Variants in ST18 observed in about 807,000 individuals in gnomAD.
ST18 encodes suppression of tumorigenicity 18 protein.
In ST18, 50 loss-of-function variants were observed where a neutral mutation model predicts 110.0. That is an observed-to-expected ratio of 0.45 (90% CI 0.36 to 0.58). The LOEUF (loss-of-function observed/expected upper bound fraction) is 0.58, where lower values mean the gene tolerates loss of function less well. Among genes scored for constraint, ST18 ranks in the 20% least tolerant of loss-of-function variants. The pLI is 0.00. For missense variants in ST18, 1,306 were observed against 1,280.1 expected (o/e 1.02, Z -0.31); for synonymous variants, 461 against 452.4 (o/e 1.02, Z -0.24).
chr8:52,389,886 A>G (rs1167734925), intron 2 of ST18, among the ~76,000 whole-genome samples: 1 of 152,240 alleles, frequency 6.6e-6, no homozygotes, highest in African/African-American at 2.4e-5. Context: ...AGGAAAATAC[A>G]GATACAGCTG....
chr8:52,210,473 C>T (rs921705692), intron 8 of ST18, among the ~76,000 whole-genome samples: 4 of 151,848 alleles, frequency 2.6e-5, no homozygotes, highest in African/African-American at 9.7e-5. Context: ...GCCTAGGCAA[C>T]ATAGCAAGAC....
chr8:52,344,625 C>G (rs1034046511), intron 2 of ST18, among the ~76,000 whole-genome samples: 2 of 151,936 alleles, frequency 1.3e-5, no homozygotes, highest in African/African-American at 4.8e-5. Flanking sequence ...GGTCACGAAC[C>G]CCTGACCTCA....
intron 2 of ST18, among the ~76,000 whole-genome samples, chr8:52,408,804 C>T (rs1845429515): frequency 1.3e-5 from 2 of 152,194 alleles, no homozygotes; most frequent in Non-Finnish European, 2.9e-5. Flanking sequence ...AGTAAACAGA[C>T]ATATAGCATG....
intron 2 of ST18, among the ~76,000 whole-genome samples, chr8:52,354,395 T>C (rs932322258): frequency 2.0e-5 from 3 of 152,160 alleles, no homozygotes; most frequent in Admixed American, 2.0e-4. Flanking sequence ...TTTCAGAGCA[T>C]GGGCAAGACA....
At chr8:52,327,485 C>A (rs6987166) in intron 2 of ST18, among the ~76,000 whole-genome samples, 1 of 152,176 alleles carries the variant, frequency 6.6e-6, no homozygotes, top group African/African-American at 2.4e-5. Flanking sequence ...AAAAGGGTAC[C>A]ATTGTCCTGT....
intron 2 of ST18, among the ~76,000 whole-genome samples, chr8:52,265,732 C>T (rs1433698129): frequency 2.0e-5 from 3 of 152,064 alleles, no homozygotes; most frequent in Non-Finnish European, 4.4e-5. Context: ...ATAGAGTTAT[C>T]TTGTAGCCAT....
intron 2 of ST18, among the ~76,000 whole-genome samples, chr8:52,370,673 C>A (rs980231707): frequency 2.3e-4 from 35 of 152,260 alleles, no homozygotes; most frequent in African/African-American, 8.2e-4. Flanking sequence ...CTCATGACGG[C>A]CTGCATCTGG....
intron 2 of ST18, among the ~76,000 whole-genome samples, chr8:52,292,140 A>G (rs1268611441): frequency 3.9e-5 from 6 of 152,244 alleles, no homozygotes. Flanking sequence ...TTTAACTTGC[A>G]AAGCAGACAT....
rs2070136810 is a variant in ST18, at chr8:52,182,428, G to A, written c.87-2116C>T. On this transcript the variant is annotated intron_variant, in intron 8 of 25. Coordinates refer to ENST00000689386, the MANE Select transcript of ST18 (RefSeq NM_001352837.2). ...CCATGAATAATTGACAAATTGATAT[G>A]TGGTGCATACATACAATGAAATACT... 2.0e-5 allele frequency among the ~76,000 whole-genome samples: 3 copies of A among 152,294 alleles called. No homozygotes were observed. In the South Asian group the frequency reaches 6.2e-4, roughly 32 times the overall value.
In ST18 at chr8:52,381,977, A is replaced by AAAC. The variant is rs1554859935; in HGVS notation, c.-465+27350_-465+27351insGTT. ...AGCTATATGCTGCATTAAAAAACAA[A>AAAC]AAAAAACAAAAAAACAAAGTTACAG... On this transcript the variant is annotated intron_variant, in intron 2 of 25. Transcript: ENST00000689386. Among the ~76,000 whole-genome samples the AAAC allele has an allele frequency of 7.8e-4, 118 of 151,086 alleles. 1 individual carries two copies. The highest frequency in any genetic ancestry group is 2.8e-3 in the African/African-American group (114 of 40,730).
intron 2 of ST18, among the ~76,000 whole-genome samples, chr8:52,278,586 G>T (rs1489088557): frequency 1.3e-5 from 2 of 152,080 alleles, no homozygotes; most frequent in Admixed American, 6.5e-5. Context: ...TCCTTGGGAA[G>T]CCCAGACCCT....
intron 11 of ST18, 84 bp downstream of exon 11, chr8:52,166,768 A>G (rs2063140022): frequency 7.2e-7 from 1 of 1,380,110 alleles, no homozygotes; most frequent in Admixed American, 2.6e-5. Context: ...TCCATTCCTA[A>G]TTCCAAATTG....
At chr8:52,116,507 T>A (rs2042601353) in intron 24 of ST18, 89 bp from the exon 25 acceptor site, 2 of 1,326,978 alleles carry the variant, frequency 1.5e-6, no homozygotes. Context: ...ACCAAGTGCA[T>A]CTGAATACTA....
At chr8:52,221,546 G>C (rs901020875) in intron 4 of ST18, 94 bp downstream of exon 4, 1 of 152,144 alleles carries the variant, frequency 6.6e-6, no homozygotes, top group Non-Finnish European at 1.5e-5. Context: ...CAACATACTA[G>C]AGGAACCAAT....
chr8:52,254,503 CTT>C (rs2094463908), intron 2 of ST18, among the ~76,000 whole-genome samples: 1 of 152,106 alleles, frequency 6.6e-6, no homozygotes, highest in Non-Finnish European at 1.5e-5. Context: ...GGGCCCAAAA[CTT>C]TCACTTTAAT....
At chr8:52,237,953 C>A (rs1330961966) in intron 2 of ST18, among the ~76,000 whole-genome samples, 1 of 152,124 alleles carries the variant, frequency 6.6e-6, no homozygotes, top group Non-Finnish European at 1.5e-5. Context: ...GCAATAAGCA[C>A]ATGAGAAGAT....
intron 2 of ST18, among the ~76,000 whole-genome samples, chr8:52,272,420 T>A (rs2095104900): frequency 6.6e-6 from 1 of 152,158 alleles, no homozygotes. Context: ...AAAGGAGACA[T>A]GCAAATGGCC....
chr8:52,214,053 T>C, intron 7 of ST18, 150 bp downstream of exon 7: 1 of 769,410 alleles, frequency 1.3e-6, no homozygotes, highest in East Asian at 2.6e-5. Context: ...TGCCTCTCCG[T>C]GCCAAGAGCC....
chr8:52,194,433 AG>A (rs1279936524), intron 8 of ST18: 1 of 152,256 alleles, frequency 6.6e-6, no homozygotes. Context: ...ACAAGAGAAC[AG>A]AAACTGTTTC....
Sources: allele counts gnomAD v4.1 joint callset (sites outside exome capture counted in the v4.1 genomes callset), GRCh38; gene constraint gnomAD v4.1.1; transcripts MANE v1.5; gene names NCBI Gene and HGNC (gene_info 2026-07-23, HGNC 2026-07-21).